TAFA5: variants seen among roughly 807,000 people sequenced by gnomAD.
TAFA5 encodes the protein TAFA chemokine like family member 5.
Under a neutral mutation model 15.3 loss-of-function variants are expected in TAFA5, and 6 were observed. The ratio of observed to expected loss-of-function variants is 0.39; its 90% CI spans 0.21 to 0.77. TAFA5 has a LOEUF of 0.77. Among genes scored for constraint, TAFA5 ranks in the 30% least tolerant of loss-of-function variants. The pLI is 0.41. For synonymous variants in TAFA5, 103 were observed against 80.7 expected, an observed-to-expected ratio of 1.28 and a Z score of -1.48; for missense variants, 161 against 193.1, an observed-to-expected ratio of 0.83 and a Z score of 0.98.
chr22:48,747,726 A>C (rs138609914), intron 3 of TAFA5, among the ~76,000 whole-genome samples: 1 of 152,104 alleles, frequency 6.6e-6, no homozygotes, highest in East Asian at 1.9e-4. Context: ...GTGAAAGTCC[A>C]TCTCTACTAA....
At chr22:48,609,951 G>A (rs1925338106) in intron 1 of TAFA5, among the ~76,000 whole-genome samples, 1 of 152,174 alleles carries the variant, frequency 6.6e-6, no homozygotes, top group East Asian at 1.9e-4. Flanking sequence ...TTGGATTGAG[G>A]CCCACCCTAA....
Position 48,655,228 on chromosome 22 carries a change from G to C in TAFA5, c.262+8482G>C, listed in dbSNP as rs1169773711. Among the ~76,000 whole-genome samples the C allele has an allele frequency of 2.6e-5, 4 of 152,330 alleles. No homozygotes were observed. The South Asian group carries it at 8.3e-4, about 32-fold the overall frequency. The stretch of plus-strand genomic sequence containing the variant: ...GAGCAAACCGTGTCTGAAGGGGCTG[G>C]CAGGATGCAGAGTGGACAGCAGCCC... On this transcript the variant is annotated intron_variant, in intron 2 of 3. Transcript: ENST00000402357.
intron 1 of TAFA5, among the ~76,000 whole-genome samples, chr22:48,505,474 G>C (rs2147098174): frequency 6.6e-6 from 1 of 152,316 alleles, no homozygotes; most frequent in East Asian, 1.9e-4. Context: ...TCTTACCTGA[G>C]TGTGCCAGGC....
chr22:48,496,540 A>T (rs147608204), intron 1 of TAFA5, among the ~76,000 whole-genome samples: 1 of 152,302 alleles, frequency 6.6e-6, no homozygotes, highest in East Asian at 1.9e-4. Context: ...CAGAGGAGCC[A>T]GGGGAGTCAG....
chr22:48,546,383 T>C (rs1443885378), intron 1 of TAFA5: 2 of 412,762 alleles, frequency 4.8e-6, no homozygotes, highest in East Asian at 1.4e-4. Flanking sequence ...AAACACATGC[T>C]GTGCTGAGCA....
chr22:48,615,000 G>A (rs553255545), intron 1 of TAFA5, among the ~76,000 whole-genome samples: 49 of 152,258 alleles, frequency 3.2e-4, no homozygotes, highest in African/African-American at 1.1e-3. Flanking sequence ...CTACCTGGGG[G>A]ATTCATCCTT....
At chr22:48,695,534 T>C (rs1768328495) in intron 2 of TAFA5, among the ~76,000 whole-genome samples, 3 of 152,124 alleles carry the variant, frequency 2.0e-5, no homozygotes, top group Admixed American at 2.0e-4. Flanking sequence ...AGCTGAGTAA[T>C]GTTATGGCCA....
At chr22:48,609,071 CA>C (rs1409615383) in intron 1 of TAFA5, among the ~76,000 whole-genome samples, 1 of 152,136 alleles carries the variant, frequency 6.6e-6, no homozygotes, top group African/African-American at 2.4e-5. Flanking sequence ...TGCAGTTAGC[CA>C]GGGCACAGTC....
chr22:48,544,933 T>C (rs1324011206), intron 1 of TAFA5: 4 of 464,752 alleles, frequency 8.6e-6, no homozygotes, highest in Admixed American at 2.4e-5. Context: ...GCCCTACGGG[T>C]GTGAAGGAAG....
intron 2 of TAFA5, among the ~76,000 whole-genome samples, chr22:48,684,363 G>A (rs1245000024): frequency 2.0e-5 from 3 of 152,114 alleles, no homozygotes; most frequent in Non-Finnish European, 4.4e-5. Flanking sequence ...GGAGGCAGCC[G>A]TGAAGCGTGA....
At chr22:48,676,570 G>A (rs2147225933) in intron 2 of TAFA5, among the ~76,000 whole-genome samples, 1 of 152,324 alleles carries the variant, frequency 6.6e-6, no homozygotes, top group South Asian at 2.1e-4. Context: ...CCTGTGTGAT[G>A]TCCAGTTCTT....
At chr22:48,574,974 C>A (rs1306828636) in intron 1 of TAFA5, among the ~76,000 whole-genome samples, 1 of 152,212 alleles carries the variant, frequency 6.6e-6, no homozygotes, top group Non-Finnish European at 1.5e-5. Context: ...GGGTGCAGGG[C>A]AGCTGGCTGG....
intron 1 of TAFA5, among the ~76,000 whole-genome samples, chr22:48,583,627 AC>A (rs1480822986): frequency 6.6e-6 from 1 of 151,612 alleles, no homozygotes; most frequent in African/African-American, 2.4e-5. Context: ...CACGAAATAC[AC>A]CATACACAAA....
chr22:48,570,931 C>G (rs1380154662), intron 1 of TAFA5, among the ~76,000 whole-genome samples: 2 of 152,152 alleles, frequency 1.3e-5, no homozygotes, highest in African/African-American at 4.8e-5. Context: ...ATCTTCATAC[C>G]TATTCTTCAC....
At chr22:48,583,590 C>T (rs536816036) in intron 1 of TAFA5, among the ~76,000 whole-genome samples, 2 of 151,248 alleles carry the variant, frequency 1.3e-5, no homozygotes, top group African/African-American at 4.9e-5. Flanking sequence ...ACACCACACA[C>T]CAAATATACA....
At chr22:48,731,521 C>T (rs1254198604) in intron 3 of TAFA5, among the ~76,000 whole-genome samples, 2 of 152,224 alleles carry the variant, frequency 1.3e-5, no homozygotes, top group Non-Finnish European at 2.9e-5. Flanking sequence ...GAGGCTAATG[C>T]AGCTGGTGAC....
chr22:48,691,268 C>G (rs961532840), intron 2 of TAFA5, among the ~76,000 whole-genome samples: 2 of 152,196 alleles, frequency 1.3e-5, no homozygotes, highest in Non-Finnish European at 2.9e-5. Flanking sequence ...GCCGCCTCCT[C>G]TCGTGGCTGT....
rs1296920149 is a variant in TAFA5, at chr22:48,651,195, C to T, written c.262+4449C>T. ...AGAGGGTGGTGGTTTGTGAGCGGAA[C>T]TGCCCCAGAGCTGAGCCAGAGGGGT... On this transcript the variant is annotated intron_variant, in intron 2 of 3. Coordinates refer to ENST00000402357, the MANE Select transcript of TAFA5 (RefSeq NM_001082967.3). Among the ~76,000 whole-genome samples, 6 of 152,204 alleles carry T rather than the reference C, an allele frequency of 3.9e-5. No individual in the cohort carries two copies. In the East Asian group the frequency reaches 1.2e-3, roughly 29 times the overall value.
intron 1 of TAFA5, among the ~76,000 whole-genome samples, chr22:48,504,607 C>T (rs1024723851): frequency 6.6e-5 from 10 of 152,294 alleles, no homozygotes; most frequent in African/African-American, 2.2e-4. Context: ...GCTTCACAGA[C>T]TCCTGGGGGT....
Sources: allele counts gnomAD v4.1 joint callset (sites outside exome capture counted in the v4.1 genomes callset), GRCh38; gene constraint gnomAD v4.1.1; transcripts MANE v1.5; gene names NCBI Gene and HGNC (gene_info 2026-07-23, HGNC 2026-07-21).